PVT1: variants seen among roughly 807,000 people sequenced by gnomAD.
The protein encoded by PVT1 is Pvt1 oncogene.
At chr8:127,983,702 A>C (rs975067616) in intron 3 of PVT1, among the ~76,000 whole-genome samples, 1 of 152,106 alleles carries the variant, frequency 6.6e-6, no homozygotes, top group African/African-American at 2.4e-5. Flanking sequence ...ACGACTGTAT[A>C]ATTATCAAAC....
intron 3 of PVT1, among the ~76,000 whole-genome samples, chr8:127,978,646 G>C (rs996409888): frequency 7.9e-5 from 12 of 152,026 alleles, no homozygotes; most frequent in Admixed American, 2.0e-4. Flanking sequence ...ACCACACCTG[G>C]CTAATTTTTT....
chr8:128,036,850 G>A (rs1813469263), intron 4 of PVT1, among the ~76,000 whole-genome samples: 2 of 152,338 alleles, frequency 1.3e-5, no homozygotes, highest in South Asian at 4.1e-4. Context: ...GCAAGTGACT[G>A]TTAGAGAAAC....
chr8:127,994,281 G>C lies in PVT1; in HGVS notation n.912+4990G>C, dbSNP rs532615681. Reference sequence around the variant, plus strand: ...TGATGGGGGCTGTGTTTGGGATCTCGCCTGGAAACACGATCTCTCCAACTT... The same window carrying C: ...TGATGGGGGCTGTGTTTGGGATCTCCCCTGGAAACACGATCTCTCCAACTT... On this transcript the variant is annotated intron_variant and non_coding_transcript_variant, in intron 4 of 10. Transcript: ENST00000651587. Among the ~76,000 whole-genome samples the C allele has an allele frequency of 3.4e-4, 52 of 152,238 alleles. 1 individual carries two copies. The South Asian group carries it at 1.0e-2, about 29-fold the overall frequency.
intron 3 of PVT1, among the ~76,000 whole-genome samples, chr8:127,957,449 G>A (rs574910106): frequency 3.8e-4 from 57 of 151,716 alleles, no homozygotes; most frequent in Non-Finnish European, 7.1e-4. Flanking sequence ...AGCCTGTACC[G>A]TGCAGCTACT....
At chr8:128,068,719 C>T (rs1018586796) in intron 4 of PVT1, among the ~76,000 whole-genome samples, 1 of 152,184 alleles carries the variant, frequency 6.6e-6, no homozygotes, top group South Asian at 2.1e-4. Context: ...GTCTTGATCT[C>T]CTGACCTCGT....
chr8:127,821,369 T>TA (rs956743031), intron 2 of PVT1, among the ~76,000 whole-genome samples: 19 of 151,878 alleles, frequency 1.3e-4, no homozygotes, highest in African/African-American at 4.1e-4. Context: ...AGACTCAGTT[T>TA]AAAAAAAAGA....
chr8:127,945,073 A>G (rs1816403544), intron 3 of PVT1, among the ~76,000 whole-genome samples: 1 of 152,072 alleles, frequency 6.6e-6, no homozygotes, highest in South Asian at 2.1e-4. Flanking sequence ...GGGTGGGGTG[A>G]GTGTGTGTGT....
At chr8:127,817,390 T>TC (rs1563613130) in intron 2 of PVT1, among the ~76,000 whole-genome samples, 1 of 135,830 alleles carries the variant, frequency 7.4e-6, no homozygotes, top group Non-Finnish European at 1.6e-5. Flanking sequence ...TATATCTATT[T>TC]AATATATATT....
chr8:128,040,422 A>G (rs900318578), intron 4 of PVT1, among the ~76,000 whole-genome samples: 6 of 152,228 alleles, frequency 3.9e-5, no homozygotes, highest in Non-Finnish European at 8.8e-5. Flanking sequence ...GCCAGCCCCC[A>G]TAATCACACG....
chr8:127,914,632 A>C (rs1295626163), intron 3 of PVT1, among the ~76,000 whole-genome samples: 4 of 152,244 alleles, frequency 2.6e-5, no homozygotes, highest in Non-Finnish European at 5.9e-5. Context: ...TACATGTTAC[A>C]ACATGGATGA....
At chr8:127,795,172 A>G (rs1204341266) in intron 1 of PVT1, among the ~76,000 whole-genome samples, 1 of 152,104 alleles carries the variant, frequency 6.6e-6, no homozygotes, top group Non-Finnish European at 1.5e-5. Context: ...GGTGATTTCC[A>G]AAAACTCAGT....
At chr8:128,019,422 A>C (rs1363986907) in intron 4 of PVT1, among the ~76,000 whole-genome samples, 1 of 152,166 alleles carries the variant, frequency 6.6e-6, no homozygotes, top group Non-Finnish European at 1.5e-5. Flanking sequence ...TAAACTTCTC[A>C]AGAGGAGAAA....
intron 5 of PVT1, among the ~76,000 whole-genome samples, chr8:128,091,209 C>G (rs1814346655): frequency 6.6e-6 from 1 of 152,170 alleles, no homozygotes; most frequent in Admixed American, 6.5e-5. Context: ...CTGTCCCGGC[C>G]TGGCAGGCGT....
At chr8:127,980,232 C>T (rs1328314762) in intron 3 of PVT1, among the ~76,000 whole-genome samples, 1 of 152,106 alleles carries the variant, frequency 6.6e-6, no homozygotes, top group Admixed American at 6.6e-5. Flanking sequence ...TACATAAAAG[C>T]ACACAGTATT....
Position 127,984,877 on chromosome 8 carries a change from CTT to C in PVT1, n.783-4283_783-4282del, listed in dbSNP as rs199522882. Among the ~76,000 whole-genome samples the C allele has an allele frequency of 7.8e-3, 682 of 87,314 alleles. 10 individuals carry two copies. The highest frequency in any genetic ancestry group is 0.037 in the East Asian group (111 of 3,040). 57.3% of individuals were successfully genotyped at this position (87,314 alleles called of 152,430 possible). A position where few individuals can be genotyped will look rare whatever the true frequency, so the allele number is the denominator to read the frequency against. ...TCTTTCTTTCTTTCTTTCTTTCTTT[CTT>C]TCTTTCTTTCTTTCTTTCTTTCTTT... On this transcript the variant is annotated intron_variant and non_coding_transcript_variant, in intron 3 of 10. Transcript: ENST00000651587.
At position 127,798,704 on chromosome 8, in the gene PVT1, C is replaced by CAAAAA. The variant is rs71300266; in HGVS notation, n.372+2651_372+2655dup. Among the ~76,000 whole-genome samples, 5 of 110,480 alleles carry CAAAAA rather than the reference C, an allele frequency of 4.5e-5. 1 individual carries two copies. Among genetic ancestry groups the CAAAAA allele is most frequent in the Non-Finnish European group, 6.8e-5 (4 of 58,776 alleles). The allele number at this position is 110,480 out of a possible 152,430, so 72.5% of individuals were successfully genotyped here. On this transcript the variant is annotated intron_variant and non_coding_transcript_variant, in intron 2 of 10. Transcript: ENST00000651587. ...TGAAACCCTGTCTCTACTAAAAATA[C>CAAAAA]AAAAAAAAAAAAAAAAAAAAAATTA...
chr8:127,848,348 C>T (rs1044095357), intron 2 of PVT1, among the ~76,000 whole-genome samples: 7 of 152,018 alleles, frequency 4.6e-5, no homozygotes, highest in African/African-American at 1.7e-4. Context: ...CCCAGGAATT[C>T]GAGGCCAGCC....
At chr8:127,979,854 A>G (rs905324497) in intron 3 of PVT1, among the ~76,000 whole-genome samples, 1 of 145,262 alleles carries the variant, frequency 6.9e-6, no homozygotes, top group African/African-American at 2.4e-5. Context: ...CTGGATGGAG[A>G]AACATCTGCT....
intron 3 of PVT1, among the ~76,000 whole-genome samples, chr8:127,988,767 G>T (rs1006495230): frequency 6.6e-6 from 1 of 152,222 alleles, no homozygotes; most frequent in Non-Finnish European, 1.5e-5. Context: ...TCAGAATGGG[G>T]TTATTGGGTG....
Sources: gnomAD v4.1 joint callset for allele counts (sites outside exome capture counted in the v4.1 genomes callset) on GRCh38, gnomAD v4.1.1 for gene constraint, MANE v1.5 for transcripts, NCBI Gene and HGNC (gene_info 2026-07-23, HGNC 2026-07-21) for gene names.